Variants in PDE1A observed in about 807,000 individuals in gnomAD.
The protein encoded by PDE1A is phosphodiesterase 1A, also known as dual specificity calcium/calmodulin-dependent 3',5'-cyclic nucleotide phosphodiesterase 1A.
PDE1A carries 35 observed loss-of-function variants against 61.7 expected under a neutral mutation model. That is an observed-to-expected ratio of 0.57 (90% CI 0.43 to 0.75). The LOEUF is 0.75. PDE1A is among the 30% of genes least tolerant of loss of function. PDE1A has a pLI of 0.00. For synonymous variants in PDE1A, 232 were observed against 213.2 expected, an observed-to-expected ratio of 1.09 and a Z score of -0.77; for missense variants, 597 against 630.6, an observed-to-expected ratio of 0.95 and a Z score of 0.57.
the PDE1A span, among the ~76,000 whole-genome samples, chr2:182,566,092 C>G: frequency 1.3e-5 from 2 of 152,056 alleles, no homozygotes. Flanking sequence ...AGGTAGCTTC[C>G]AGACCTTCTG....
At chr2:182,609,660 C>T in the PDE1A span, among the ~76,000 whole-genome samples, 1 of 152,230 alleles carries the variant, frequency 6.6e-6, no homozygotes, top group African/African-American at 2.4e-5. Flanking sequence ...AAACTCTGGA[C>T]ACACTGCCTT....
At chr2:182,384,491 A>AATAATAATAATAAT (rs1559402165) in intron 1 of PDE1A, among the ~76,000 whole-genome samples, 15 of 133,610 alleles carry the variant, frequency 1.1e-4, no homozygotes, top group African/African-American at 4.3e-4. Flanking sequence ...ATAATAATAA[A>AATAATAATAATAAT]ATAGAAATCC....
chr2:182,267,457 A>G (rs964220934), intron 1 of PDE1A, among the ~76,000 whole-genome samples: 1 of 147,386 alleles, frequency 6.8e-6, no homozygotes, highest in African/African-American at 2.5e-5. Flanking sequence ...ACACACACAC[A>G]CGCCTATATT....
the PDE1A span, among the ~76,000 whole-genome samples, chr2:182,674,081 T>C: frequency 5.3e-5 from 8 of 151,458 alleles, 1 homozygote; most frequent in Admixed American, 5.3e-4. Context: ...CCTGCTTTTA[T>C]GGATGATAAA....
the PDE1A span, among the ~76,000 whole-genome samples, chr2:182,547,190 A>G: frequency 6.6e-6 from 1 of 152,238 alleles, no homozygotes; most frequent in Non-Finnish European, 1.5e-5. Context: ...GCAAAATACA[A>G]AAAGAGGCAT....
In PDE1A at chr2:182,246,397, TTTTC is replaced by T. The variant is rs372150135; in HGVS notation, c.168-6109_168-6106del. ...TTATTCTACTATAGTCTTTTTTCTT[TTTTC>T]TTTCTTTTTTTTTTTTTTTTTTGAC... On this transcript the variant is annotated intron_variant, in intron 2 of 13. Coordinates refer to ENST00000351439, the Ensembl canonical transcript of PDE1A. 1.4e-3 allele frequency among the ~76,000 whole-genome samples: 117 copies of T among 84,516 alleles called. 8 individuals are homozygous for T. Among genetic ancestry groups the T allele is most frequent in the East Asian group, 3.1e-3 (11 of 3,546 alleles). The allele number at this position is 84,516 out of a possible 152,430, so 55.4% of individuals were successfully genotyped here. A position where few individuals can be genotyped will look rare whatever the true frequency, so the allele number is the denominator to read the frequency against.
intron 1 of PDE1A, among the ~76,000 whole-genome samples, chr2:182,318,952 T>C (rs1696527467): frequency 6.6e-6 from 1 of 152,170 alleles, no homozygotes; most frequent in South Asian, 2.1e-4. Context: ...ATTCTTCCTA[T>C]GTTTATAAAA....
chr2:182,203,923 A>G (rs1686880579), intron 8 of PDE1A, among the ~76,000 whole-genome samples: 1 of 152,192 alleles, frequency 6.6e-6, no homozygotes, highest in South Asian at 2.1e-4. Flanking sequence ...TAAAATGTAT[A>G]TAATATGTAC....
At chr2:182,341,968 T>C (rs1460638008) in intron 1 of PDE1A, among the ~76,000 whole-genome samples, 3 of 152,082 alleles carry the variant, frequency 2.0e-5, no homozygotes, top group African/African-American at 7.2e-5. Flanking sequence ...CAGGCCTCGC[T>C]ATGTTGCCCA....
chr2:182,361,266 C>T (rs752435411), intron 1 of PDE1A, among the ~76,000 whole-genome samples: 3 of 151,952 alleles, frequency 2.0e-5, no homozygotes, highest in Non-Finnish European at 4.4e-5. Flanking sequence ...GTTAGATATA[C>T]GTAATGCATA....
chr2:182,273,907 AC>A (rs1274874877), intron 1 of PDE1A, among the ~76,000 whole-genome samples: 1 of 152,110 alleles, frequency 6.6e-6, no homozygotes, highest in Non-Finnish European at 1.5e-5. Flanking sequence ...ATTAGACCAA[AC>A]AAAATACCAT....
At chr2:182,628,007 T>C in the PDE1A span, among the ~76,000 whole-genome samples, 25 of 151,938 alleles carry the variant, frequency 1.6e-4, no homozygotes, top group African/African-American at 6.0e-4. Context: ...TTATTTATAA[T>C]GCTATTTTCA....
At chr2:182,383,518 C>T (rs1456674753) in intron 1 of PDE1A, among the ~76,000 whole-genome samples, 1 of 151,790 alleles carries the variant, frequency 6.6e-6, no homozygotes, top group East Asian at 1.9e-4. Context: ...ATATATAATA[C>T]AAGGCGAAGG....
chr2:182,582,819 G>C, the PDE1A span, among the ~76,000 whole-genome samples: 1 of 152,206 alleles, frequency 6.6e-6, no homozygotes, highest in East Asian at 1.9e-4. Context: ...CATAGGATCA[G>C]AGATATAACC....
At chr2:182,440,000 G>A (rs139107392) in intron 2 of PDE1A, among the ~76,000 whole-genome samples, 2 of 152,004 alleles carry the variant, frequency 1.3e-5, no homozygotes, top group African/African-American at 2.4e-5. Flanking sequence ...CCCTAATTGT[G>A]TCTTCCTCAG....
the PDE1A span, among the ~76,000 whole-genome samples, chr2:182,686,888 C>T: frequency 1.2e-4 from 18 of 152,328 alleles, no homozygotes; most frequent in Admixed American, 2.6e-4. Flanking sequence ...TTATATCCCG[C>T]GCATGGCTTG....
chr2:182,376,793 T>C (rs1240107648), intron 1 of PDE1A, among the ~76,000 whole-genome samples: 1 of 152,186 alleles, frequency 6.6e-6, no homozygotes, highest in Non-Finnish European at 1.5e-5. Flanking sequence ...TCCATGTGGC[T>C]GGGGAAGCCT....
At chr2:182,621,203 C>G in the PDE1A span, among the ~76,000 whole-genome samples, 1 of 151,690 alleles carries the variant, frequency 6.6e-6, no homozygotes, top group Admixed American at 6.6e-5. Context: ...CTTCTCATAT[C>G]TTTCCACATC....
At chr2:182,285,946 G>A (rs576023183) in intron 1 of PDE1A, among the ~76,000 whole-genome samples, 155 of 152,146 alleles carry the variant, frequency 1.0e-3, no homozygotes, top group African/African-American at 3.6e-3. Context: ...TTTAATATAG[G>A]CAAGTTATTT....
Sources: allele counts gnomAD v4.1 joint callset (sites outside exome capture counted in the v4.1 genomes callset), GRCh38; gene constraint gnomAD v4.1.1; transcripts MANE v1.5; gene names NCBI Gene and HGNC (gene_info 2026-07-23, HGNC 2026-07-21).